The following PRKG1 variants were observed in gnomAD, a reference collection of about 807,000 sequenced individuals.
The protein encoded by PRKG1 is cGMP-dependent protein kinase 1.
In PRKG1, 35 loss-of-function variants were observed where a neutral mutation model predicts 88.1. That is an observed-to-expected ratio of 0.40 (90% CI 0.30 to 0.53). PRKG1 has a LOEUF of 0.53. PRKG1 is among the 20% of genes least tolerant of loss of function. The pLI is 0.59. For synonymous variants in PRKG1, 303 were observed against 292.5 expected (o/e 1.04, Z -0.37); for missense variants, 540 against 839.8 (o/e 0.64, Z 4.41).
chr10:52,134,250 T>C (rs997386000), intron 8 of PRKG1, among the ~76,000 whole-genome samples: 1 of 152,170 alleles, frequency 6.6e-6, no homozygotes, highest in African/African-American at 2.4e-5. Flanking sequence ...CAACCAATGC[T>C]AGTTATTTTT....
rs187798809 is a variant in PRKG1 at position 51,639,360 on chromosome 10, G to A, written c.593-165225G>A. On this transcript the variant is annotated intron_variant, in intron 3 of 17. Coordinates refer to ENST00000373980, the MANE Select transcript of PRKG1 (RefSeq NM_006258.4). ...GAGGCAGGAGAATGGCGTGAACCTC[G>A]GAGGCCGAGCTTGCAGTGAGCCGAG... Among the ~76,000 whole-genome samples, 712 of 144,398 alleles carry A rather than the reference G, an allele frequency of 4.9e-3. 7 individuals are homozygous for A. Among genetic ancestry groups the A allele is most frequent in the African/African-American group, 0.017 (658 of 39,266 alleles). 94.7% of individuals were successfully genotyped at this position (144,398 alleles called of 152,430 possible). A position where few individuals can be genotyped will look rare whatever the true frequency, so the allele number is the denominator to read the frequency against.
At chr10:51,204,297 G>A (rs1837987827) in intron 2 of PRKG1, among the ~76,000 whole-genome samples, 1 of 151,926 alleles carries the variant, frequency 6.6e-6, no homozygotes, top group Non-Finnish European at 1.5e-5. Flanking sequence ...ATGGGAAGAT[G>A]AAAAGTGACC....
At chr10:51,237,928 T>C (rs1002492074) in intron 2 of PRKG1, among the ~76,000 whole-genome samples, 2 of 152,162 alleles carry the variant, frequency 1.3e-5, no homozygotes, top group African/African-American at 4.8e-5. Flanking sequence ...AAATGAATTC[T>C]AGATTTATCT....
chr10:52,202,050 T>A (rs966505026), intron 9 of PRKG1, among the ~76,000 whole-genome samples: 2 of 152,184 alleles, frequency 1.3e-5, no homozygotes, highest in African/African-American at 4.8e-5. Flanking sequence ...TTTCATTTTT[T>A]TTTTCTTGCC....
chr10:51,912,654 A>T (rs1160648594), intron 5 of PRKG1, among the ~76,000 whole-genome samples: 1 of 152,168 alleles, frequency 6.6e-6, no homozygotes, highest in Non-Finnish European at 1.5e-5. Context: ...AGTGATATGG[A>T]TAGTTAAGTG....
chr10:51,155,807 C>G (rs778954940), intron 2 of PRKG1, among the ~76,000 whole-genome samples: 4 of 151,908 alleles, frequency 2.6e-5, no homozygotes, highest in Non-Finnish European at 4.4e-5. Context: ...ATTTGACTGA[C>G]TGGATGAGGC....
At chr10:51,846,654 A>G (rs1840406393) in intron 4 of PRKG1, among the ~76,000 whole-genome samples, 1 of 152,164 alleles carries the variant, frequency 6.6e-6, no homozygotes, top group African/African-American at 2.4e-5. Flanking sequence ...TGTTCTGAAT[A>G]CCTATGAATG....
chr10:51,268,961 C>G (rs957114507), intron 2 of PRKG1, among the ~76,000 whole-genome samples: 10 of 152,132 alleles, frequency 6.6e-5, no homozygotes, highest in African/African-American at 2.4e-4. Flanking sequence ...TTCAGCCGGT[C>G]CTTCCATTCG....
At chr10:52,208,840 A>G (rs1173729291) in intron 9 of PRKG1, among the ~76,000 whole-genome samples, 1 of 152,176 alleles carries the variant, frequency 6.6e-6, no homozygotes, top group Admixed American at 6.5e-5. Flanking sequence ...TTTATGTTGT[A>G]TATAAGTTTA....
intron 4 of PRKG1, among the ~76,000 whole-genome samples, chr10:51,902,647 G>A (rs1355159678): frequency 6.6e-6 from 1 of 152,088 alleles, no homozygotes; most frequent in Non-Finnish European, 1.5e-5. Flanking sequence ...GATTATAGCA[G>A]GTGTAATGAC....
chr10:51,298,011 C>T (rs1840767576), intron 2 of PRKG1, among the ~76,000 whole-genome samples: 1 of 152,084 alleles, frequency 6.6e-6, no homozygotes, highest in Admixed American at 6.6e-5. Flanking sequence ...TTCATTCACT[C>T]ATTCATTTAT....
At chr10:51,678,527 G>A (rs1050994323) in intron 3 of PRKG1, among the ~76,000 whole-genome samples, 6 of 152,156 alleles carry the variant, frequency 3.9e-5, no homozygotes, top group African/African-American at 1.2e-4. Context: ...ATTCTAATAT[G>A]CAGTCAGCAT....
At chr10:51,503,088 C>T (rs1306156553) in intron 3 of PRKG1, among the ~76,000 whole-genome samples, 3 of 152,078 alleles carry the variant, frequency 2.0e-5, no homozygotes, top group African/African-American at 7.2e-5. Flanking sequence ...CATACTCTAT[C>T]CTTCTTTAAA....
At chr10:51,257,963 A>G (rs567026155) in intron 2 of PRKG1, among the ~76,000 whole-genome samples, 147 of 152,244 alleles carry the variant, frequency 9.7e-4, no homozygotes, top group African/African-American at 3.4e-3. Context: ...TATGTCCCCT[A>G]TTGGAATTAG....
chr10:51,055,103 A>G (rs911132499), intron 1 of PRKG1, among the ~76,000 whole-genome samples: 7 of 152,176 alleles, frequency 4.6e-5, no homozygotes, highest in African/African-American at 1.7e-4. Flanking sequence ...CAAGAGCTGC[A>G]TGAGTGGGAT....
At chr10:52,271,541 A>G in intron 11 of PRKG1, 52 bp downstream of exon 11, 1 of 1,579,590 alleles carries the variant, frequency 6.3e-7, no homozygotes, top group Non-Finnish European at 8.6e-7. Flanking sequence ...TGACAAATCC[A>G]CCACAAAACC....
At chr10:51,196,051 A>G (rs1837756183) in intron 2 of PRKG1, among the ~76,000 whole-genome samples, 1 of 152,182 alleles carries the variant, frequency 6.6e-6, no homozygotes, top group South Asian at 2.1e-4. Flanking sequence ...TTGAAGGGAA[A>G]AGAAAGAGAA....
upstream of PRKG1, chr10:51,074,261 C>T (rs1052783045): frequency 7.3e-6 from 2 of 273,604 alleles, no homozygotes; most frequent in East Asian, 7.5e-5. Flanking sequence ...CCCCTCCTCC[C>T]GCTCCCCCGC....
At chr10:51,664,275 C>A (rs1408435767) in intron 3 of PRKG1, among the ~76,000 whole-genome samples, 1 of 152,122 alleles carries the variant, frequency 6.6e-6, no homozygotes, top group Non-Finnish European at 1.5e-5. Context: ...TAATACAACT[C>A]TTAAGAAGAA....
Sources: gnomAD v4.1 joint callset for allele counts (sites outside exome capture counted in the v4.1 genomes callset) on GRCh38, gnomAD v4.1.1 for gene constraint, MANE v1.5 for transcripts, NCBI Gene and HGNC (gene_info 2026-07-23, HGNC 2026-07-21) for gene names.